ZFHX3: variants seen among roughly 807,000 people sequenced by gnomAD.
ZFHX3 encodes the protein zinc finger homeobox protein 3.
A neutral mutation model predicts 279.1 loss-of-function variants in ZFHX3; 42 were observed. That is an observed-to-expected ratio of 0.15 (90% CI 0.12 to 0.19). The LOEUF (loss-of-function observed/expected upper bound fraction) is 0.19, where lower values mean the gene tolerates loss of function less well. Ranked by LOEUF, ZFHX3 falls within the 10% of genes least tolerant of loss-of-function variation. The pLI is 1.00. For missense variants in ZFHX3, 4,981 were observed against 4,754.0 expected, an observed-to-expected ratio of 1.05 and a Z score of -1.40; for synonymous variants, 2,293 against 1,957.8, an observed-to-expected ratio of 1.17 and a Z score of -4.52.
intron 4 of ZFHX3, among the ~76,000 whole-genome samples, chr16:73,277,352 G>A (rs1045374784): frequency 1.3e-5 from 2 of 152,144 alleles, no homozygotes; most frequent in Admixed American, 6.5e-5. Flanking sequence ...TCATTCTCAA[G>A]GGCAGCACTG....
At chr16:73,159,949 G>T (rs1012622475) in intron 5 of ZFHX3, among the ~76,000 whole-genome samples, 10 of 152,056 alleles carry the variant, frequency 6.6e-5, no homozygotes, top group African/African-American at 2.4e-4. Context: ...TTTTAGTAGA[G>T]ATGGGGTTTT....
chr16:73,565,643 G>A (rs2020440257), intron 2 of ZFHX3, among the ~76,000 whole-genome samples: 1 of 152,194 alleles, frequency 6.6e-6, no homozygotes, highest in Admixed American at 6.5e-5. Context: ...GGTCCCCTTA[G>A]GTTGTGTGAC....
At chr16:73,411,128 C>T (rs79575301) in intron 3 of ZFHX3, among the ~76,000 whole-genome samples, 4,204 of 152,284 alleles carry the variant, frequency 0.028, 93 homozygotes, top group Non-Finnish European at 0.046. Flanking sequence ...AAAGACAGGG[C>T]CCTGTGACAG....
chr16:72,957,356 C>T (rs1430102404), intron 2 of ZFHX3, 71 bp downstream of exon 2: 1 of 1,515,002 alleles, frequency 6.6e-7, no homozygotes, highest in Non-Finnish European at 8.9e-7. Flanking sequence ...ACAGGACTAT[C>T]TCACCCTATT....
At chr16:73,629,188 C>T (rs1289160827) in intron 2 of ZFHX3, among the ~76,000 whole-genome samples, 19 of 152,160 alleles carry the variant, frequency 1.2e-4, no homozygotes, top group South Asian at 2.1e-4. Flanking sequence ...GCCGCTGATA[C>T]GTAAATACTC....
chr16:73,199,443 CG>C (rs1968222781), intron 5 of ZFHX3, among the ~76,000 whole-genome samples: 1 of 152,152 alleles, frequency 6.6e-6, no homozygotes, highest in Non-Finnish European at 1.5e-5. Context: ...CCAAGGAAGC[CG>C]GTTTTATAGG....
At chr16:72,946,765 T>C (rs1960699240) in intron 3 of ZFHX3, among the ~76,000 whole-genome samples, 1 of 152,216 alleles carries the variant, frequency 6.6e-6, no homozygotes, top group South Asian at 2.1e-4. Context: ...CTCCTAGTTC[T>C]GAGGATCAAG....
At chr16:73,443,382 A>G (rs1291782903) in intron 3 of ZFHX3, among the ~76,000 whole-genome samples, 1 of 152,236 alleles carries the variant, frequency 6.6e-6, no homozygotes, top group Non-Finnish European at 1.5e-5. Flanking sequence ...GTTCCCGGAC[A>G]TGATAACGAT....
intron 1 of ZFHX3, among the ~76,000 whole-genome samples, chr16:73,850,088 A>G (rs1400283366): frequency 6.6e-6 from 1 of 152,174 alleles, no homozygotes; most frequent in Non-Finnish European, 1.5e-5. Context: ...GCCACGATTT[A>G]CTTTTTAGTA....
chr16:72,877,919 G>A (rs932856523), intron 4 of ZFHX3, among the ~76,000 whole-genome samples: 2 of 152,188 alleles, frequency 1.3e-5, no homozygotes, highest in African/African-American at 4.8e-5. Flanking sequence ...ATTATAGTGG[G>A]CTTGTAAACC....
At chr16:73,876,483 A>G (rs1262370221) in intron 1 of ZFHX3, among the ~76,000 whole-genome samples, 1 of 152,220 alleles carries the variant, frequency 6.6e-6, no homozygotes, top group Non-Finnish European at 1.5e-5. Flanking sequence ...AGATCCACAT[A>G]TGGGGTATAT....
chr16:73,253,455 CTTT>C (rs377414876), intron 5 of ZFHX3, among the ~76,000 whole-genome samples: 1 of 129,848 alleles, frequency 7.7e-6, no homozygotes, highest in African/African-American at 3.1e-5. Context: ...CTTTCTTTCT[CTTT>C]TTTTTTTTTT....
chr16:73,815,528 C>G (rs1276257637), intron 1 of ZFHX3: 1 of 151,916 alleles, frequency 6.6e-6, no homozygotes, highest in Admixed American at 6.6e-5. Flanking sequence ...GAACCGAAAT[C>G]TCATCTACTG....
intron 3 of ZFHX3, among the ~76,000 whole-genome samples, chr16:73,370,564 G>A (rs1228509863): frequency 6.6e-6 from 1 of 152,156 alleles, no homozygotes. Flanking sequence ...AAGCCCGTGT[G>A]CTAACCCCAT....
At position 73,036,338 on chromosome 16, in the gene ZFHX3, CCGGT is replaced by C. The variant is rs1964903041; in HGVS notation, c.-50+11410_-50+11413del. On this transcript the variant is annotated intron_variant, in intron 1 of 9. Coordinates refer to ENST00000268489, the MANE Select transcript of ZFHX3 (RefSeq NM_006885.4). ...AGAAAAGCTGCACAGATGCGGAAGG[CCGGT>C]CCAGAGGCACACAATTACAGCCATT... Among the ~76,000 whole-genome samples, 3 of 152,182 alleles carry C rather than the reference CCGGT, an allele frequency of 2.0e-5. No individual in the cohort carries two copies. The East Asian group carries it at 5.8e-4, about 29-fold the overall frequency.
At chr16:72,834,006 A>C (rs190889295) in intron 4 of ZFHX3, among the ~76,000 whole-genome samples, 1 of 152,128 alleles carries the variant, frequency 6.6e-6, no homozygotes, top group Non-Finnish European at 1.5e-5. Flanking sequence ...CAGCACTTTG[A>C]GAGGCCGAGG....
At position 73,792,860 on chromosome 16, in the gene ZFHX3, C is replaced by CT. The variant is rs895932021; in HGVS notation, c.-1608+98790_-1608+98791insA. On this transcript the variant is annotated intron_variant, in intron 1 of 17. Transcript: ENST00000641206. ...TGGCCCTTGACCATACAGTGCACCC[C>CT]CCCCCTCCCCTCTCTGCTGTGAACA... Among the ~76,000 whole-genome samples, 2 of 144,422 alleles carry CT rather than the reference C, an allele frequency of 1.4e-5. 1 individual carries two copies. Among genetic ancestry groups the CT allele is most frequent in the African/African-American group, 5.3e-5 (2 of 38,052 alleles). The allele number at this position is 144,422 out of a possible 152,430, so 94.7% of individuals were successfully genotyped here.
chr16:72,913,080 T>C (rs2039359250), intron 3 of ZFHX3, among the ~76,000 whole-genome samples: 1 of 152,244 alleles, frequency 6.6e-6, no homozygotes, highest in South Asian at 2.1e-4. Context: ...GAAATTTTTG[T>C]GTCTGAAATA....
intron 3 of ZFHX3, among the ~76,000 whole-genome samples, chr16:73,431,477 G>A (rs4888280): frequency 0.59 from 88,953 of 152,016 alleles, 28,514 homozygotes; most frequent in African/African-American, 0.85. Flanking sequence ...GGAGGTGTAC[G>A]TTGCAGTGCG....
Sources: allele counts gnomAD v4.1 joint callset (sites outside exome capture counted in the v4.1 genomes callset), GRCh38; gene constraint gnomAD v4.1.1; transcripts MANE v1.5; gene names NCBI Gene and HGNC (gene_info 2026-07-23, HGNC 2026-07-21).